CYLD: variants seen among roughly 807,000 people sequenced by gnomAD.
CYLD encodes ubiquitin carboxyl-terminal hydrolase CYLD.
CYLD carries 26 observed loss-of-function variants against 104.5 expected under a neutral mutation model. The ratio of observed to expected loss-of-function variants is 0.25; its 90% CI spans 0.18 to 0.35. CYLD has a LOEUF of 0.35. Among genes scored for constraint, CYLD ranks in the 10% least tolerant of loss-of-function variants. CYLD has a pLI of 1.00. For missense variants in CYLD, 703 were observed against 1,136.1 expected (o/e 0.62, Z 5.48); for synonymous variants, 385 against 399.9 (o/e 0.96, Z 0.45).
At chr16:50,742,249 GGGCGGCCGGATCC>G (rs1965730517) in intron 1 of CYLD, 125 bp downstream of exon 1, 2 of 151,116 alleles carry the variant, frequency 1.3e-5, no homozygotes, top group Non-Finnish European at 3.0e-5. Flanking sequence ...GGCGGCCGGC[GGGCGGCCGGATCC>G]CCTCGGCGCA....
At chr16:50,770,831 A>G (rs942225938) in intron 5 of CYLD, among the ~76,000 whole-genome samples, 4 of 151,840 alleles carry the variant, frequency 2.6e-5, no homozygotes, top group Non-Finnish European at 5.9e-5. Context: ...TTTACTGTTG[A>G]GTTTTGAGAA....
At chr16:50,785,260 A>G (rs1567452051) in intron 12 of CYLD, 1 of 152,234 alleles carries the variant, frequency 6.6e-6, no homozygotes, top group African/African-American at 2.4e-5. Context: ...ATCCTTTTAT[A>G]TACTGTTCTT....
At chr16:50,764,978 A>C (rs909685031) in intron 5 of CYLD, among the ~76,000 whole-genome samples, 2 of 152,138 alleles carry the variant, frequency 1.3e-5, no homozygotes, top group Non-Finnish European at 2.9e-5. Context: ...TGAAAAACAA[A>C]TTTTCTTTCA....
intron 5 of CYLD, among the ~76,000 whole-genome samples, chr16:50,773,897 T>TGA (rs1969396769): frequency 6.6e-6 from 1 of 152,166 alleles, no homozygotes; most frequent in Admixed American, 6.5e-5. Flanking sequence ...TGACCCCCTC[T>TGA]CAGACAGCCT....
At chr16:50,781,535 T>C (rs1362599979) in intron 10 of CYLD, 124 bp downstream of exon 10, 35 of 1,218,618 alleles carry the variant, frequency 2.9e-5, no homozygotes, top group Non-Finnish European at 3.9e-5. Flanking sequence ...CATTAAGCTT[T>C]AAATCAGTAA....
chr16:50,793,769 C>T (rs1277268931), intron 17 of CYLD, 105 bp downstream of exon 17: 25 of 832,714 alleles, frequency 3.0e-5, no homozygotes, highest in African/African-American at 3.4e-5. Flanking sequence ...TCATAATTAA[C>T]GGTTAAAAAT....
intron 5 of CYLD, among the ~76,000 whole-genome samples, chr16:50,759,654 A>G (rs1322386121): frequency 6.6e-6 from 1 of 152,220 alleles, no homozygotes; most frequent in Non-Finnish European, 1.5e-5. Flanking sequence ...ATATTTCGTC[A>G]TGTGACTATC....
At chr16:50,756,922 C>A (rs995605012) in intron 5 of CYLD, among the ~76,000 whole-genome samples, 1 of 152,122 alleles carries the variant, frequency 6.6e-6, no homozygotes, top group Non-Finnish European at 1.5e-5. Context: ...CTTTTCAGTA[C>A]CTCCCCACCC....
Position 50,779,877 on chromosome 16 carries a change from A to C in CYLD, c.1351A>C (p.Thr451Pro). 6.2e-7 allele frequency: 1 copy of C among 1,614,016 alleles called. No individual in the cohort carries two copies. Among genetic ancestry groups the C allele is most frequent in the Non-Finnish European group, 8.5e-7 (1 of 1,179,978 alleles). Residue 451 changes from threonine to proline, a missense_variant, in exon 9 of 19, where the codon ACT becomes CCT. Thr to Pro is a conservative substitution (Grantham distance 38, BLOSUM62 -1). This residue lies in a region of CYLD where 183 missense variants were observed against 212.1 expected (regional missense o/e 0.86). Transcript: ENST00000427738. The stretch of plus-strand genomic sequence containing the variant: ...CCAGTCTGTAATGGAAGAGCTAAAC[A>C]CTGCACCCGTCCAAGAGAGTCCACC... ...SAQSVMEELNTAPVQESPPLA... is the reference protein window; with the variant it reads ...SAQSVMEELNPAPVQESPPLA...
Position 50,784,511 on chromosome 16 carries a change from G to T in CYLD, c.1949+60G>T. On this transcript the variant is annotated intron_variant, in intron 12 of 18. Coordinates refer to ENST00000427738, the MANE Select transcript of CYLD (RefSeq NM_001378743.1). ...ATGGTGTTCTATTTGCTGTTTTCTG[G>T]TATAGTAATTAATTTATACCTTGTC... is the stretch of plus-strand genomic sequence containing the variant. The T allele has an allele frequency of 3.2e-6, 5 of 1,553,548 alleles. No homozygotes were observed. In the South Asian group the frequency reaches 5.6e-5, roughly 17 times the overall value.
chr16:50,800,194 GA>G lies in CYLD; in HGVS notation c.*3693del, dbSNP rs944240017. On this transcript the variant is annotated 3_prime_UTR_variant, in exon 19 of 19. Coordinates refer to ENST00000427738, the MANE Select transcript of CYLD (RefSeq NM_001378743.1). ...AGGGTTAGACTACTGAATTGTATGG[GA>G]AAAAAATACAAATTCCTGGGTCCTA... 8 of 232,708 alleles carry G rather than the reference GA, an allele frequency of 3.4e-5. No individual in the cohort carries two copies. Among genetic ancestry groups the G allele is most frequent in the Non-Finnish European group, 6.8e-5 (8 of 117,840 alleles). 14.4% of individuals were successfully genotyped at this position (232,708 alleles called of 1,614,324 possible).
chr16:50,746,917 G>A (rs868750837), intron 2 of CYLD, among the ~76,000 whole-genome samples: 2 of 152,022 alleles, frequency 1.3e-5, no homozygotes, highest in Admixed American at 1.3e-4. Context: ...AATAGAGTAG[G>A]AGCTGTTGGT....
Position 50,794,127 on chromosome 16 carries a change from C to T in CYLD, c.2470-85C>T, listed in dbSNP as rs1971731558. On this transcript the variant is annotated intron_variant, in intron 17 of 18. Coordinates refer to ENST00000427738, the MANE Select transcript of CYLD (RefSeq NM_001378743.1). This position sits in a 1 kb window ranked among gnomAD's most constrained non-coding sequence, Gnocchi z 4.1. ...ATTTTTAACAGAGACAGGGTTTCACCATCTTGATCAGGCTGGTCTTGAACT... is the reference window on the plus strand; with the variant it reads ...ATTTTTAACAGAGACAGGGTTTCACTATCTTGATCAGGCTGGTCTTGAACT... The T allele has an allele frequency of 1.6e-6, 2 of 1,250,040 alleles. No individual in the cohort carries two copies. Among genetic ancestry groups the T allele is most frequent in the Middle Eastern group, 2.6e-4 (1 of 3,806 alleles). The allele number at this position is 1,250,040 out of a possible 1,614,324, so 77.4% of individuals were successfully genotyped here. A position where few individuals can be genotyped will look rare whatever the true frequency, so the allele number is the denominator to read the frequency against.
At chr16:50,775,744 T>G (rs915271528) in intron 6 of CYLD, among the ~76,000 whole-genome samples, 1 of 152,190 alleles carries the variant, frequency 6.6e-6, no homozygotes, top group Non-Finnish European at 1.5e-5. Flanking sequence ...GTAAAGAAAT[T>G]GTTTATCTTT....
chr16:50,757,531 T>G (rs1336449394), intron 5 of CYLD, among the ~76,000 whole-genome samples: 1 of 149,310 alleles, frequency 6.7e-6, no homozygotes, highest in Non-Finnish European at 1.5e-5. Context: ...AAATTTAATT[T>G]AGTTTTTCAT....
chr16:50,760,591 T>C (rs751311311), intron 5 of CYLD, among the ~76,000 whole-genome samples: 36 of 152,200 alleles, frequency 2.4e-4, no homozygotes, highest in Non-Finnish European at 3.8e-4. Context: ...TAATTTTATA[T>C]GTTAGAACTC....
At chr16:50,788,811 T>C (rs1250280285) in intron 14 of CYLD, among the ~76,000 whole-genome samples, 1 of 152,160 alleles carries the variant, frequency 6.6e-6, no homozygotes, top group Non-Finnish European at 1.5e-5. Flanking sequence ...CAAGCAAATA[T>C]GAAAAAGTAA....
chr16:50,750,933 G>A (rs773274913), intron 3 of CYLD, among the ~76,000 whole-genome samples: 5 of 152,048 alleles, frequency 3.3e-5, no homozygotes, highest in East Asian at 1.9e-4. Flanking sequence ...TATTTCTACC[G>A]GAAGGAGACC....
rs1204801767 is a variant in CYLD at position 50,801,850 on chromosome 16, A to T, written c.*5342A>T. The T allele has an allele frequency of 8.6e-6, 2 of 232,936 alleles. No homozygotes were observed. Among genetic ancestry groups the T allele is most frequent in the African/African-American group, 2.2e-5 (1 of 45,292 alleles). 14.4% of individuals were successfully genotyped at this position (232,936 alleles called of 1,614,324 possible). A position where few individuals can be genotyped will look rare whatever the true frequency, so the allele number is the denominator to read the frequency against. ...TCTGATTTAGCCTTAATTTTGTTAAATTTTTTAGAGATGAATGAAGTGCTG... is the reference window on the plus strand; with the variant it reads ...TCTGATTTAGCCTTAATTTTGTTAATTTTTTTAGAGATGAATGAAGTGCTG... On this transcript the variant is annotated 3_prime_UTR_variant, in exon 19 of 19. Transcript: ENST00000427738.
Sources: allele counts gnomAD v4.1 joint callset (sites outside exome capture counted in the v4.1 genomes callset), GRCh38; gene constraint gnomAD v4.1.1; regional missense constraint gnomAD v4.1.1; non-coding constraint Gnocchi (gnomAD v3.1); transcripts MANE v1.5; gene names NCBI Gene and HGNC (gene_info 2026-07-23, HGNC 2026-07-21).